The following DGLUCY variants were observed in gnomAD, a reference collection of about 807,000 sequenced individuals.
DGLUCY encodes D-glutamate cyclase.
Under a neutral mutation model 58.5 loss-of-function variants are expected in DGLUCY, and 58 were observed. The ratio of observed to expected loss-of-function variants is 0.99; its 90% CI spans 0.80 to 1.23. DGLUCY has a LOEUF of 1.23. Among genes scored for constraint, DGLUCY ranks in the 50% most tolerant of loss-of-function variants. The probability of loss-of-function intolerance (pLI) is 0.00; values close to 1 mark genes in which losing one functional copy is unlikely to be tolerated. For synonymous variants in DGLUCY, 325 were observed against 314.1 expected, an observed-to-expected ratio of 1.03 and a Z score of -0.37; for missense variants, 779 against 784.7, an observed-to-expected ratio of 0.99 and a Z score of 0.09.
At chr14:91,180,236 C>A (rs2049093286) in intron 7 of DGLUCY, among the ~76,000 whole-genome samples, 1 of 151,640 alleles carries the variant, frequency 6.6e-6, no homozygotes, top group African/African-American at 2.4e-5. Context: ...CTGACAATAG[C>A]CATATGAGGC....
At chr14:91,132,378 A>C (rs534547913) in intron 1 of DGLUCY, among the ~76,000 whole-genome samples, 2 of 152,326 alleles carry the variant, frequency 1.3e-5, no homozygotes, top group South Asian at 4.1e-4. Flanking sequence ...CAGGCAGGGC[A>C]ACATAGTGAG....
chr14:91,125,985 T>G (rs958341480), intron 1 of DGLUCY, among the ~76,000 whole-genome samples: 1 of 152,156 alleles, frequency 6.6e-6, no homozygotes, highest in African/African-American at 2.4e-5. Flanking sequence ...GTTGGCTAGC[T>G]GGGGTCATGT....
intron 1 of DGLUCY, among the ~76,000 whole-genome samples, chr14:91,095,483 T>C (rs953751836): frequency 6.6e-6 from 1 of 152,220 alleles, no homozygotes; most frequent in African/African-American, 2.4e-5. Flanking sequence ...GTGCACTCCA[T>C]GTTCTTTCTT....
At chr14:91,061,516 G>A (rs1184837946) in intron 1 of DGLUCY, among the ~76,000 whole-genome samples, 1 of 152,206 alleles carries the variant, frequency 6.6e-6, no homozygotes, top group Non-Finnish European at 1.5e-5. Context: ...GTCGTACAAA[G>A]CGTTAGAGAA....
At chr14:91,098,190 C>A (rs2044428114) in intron 1 of DGLUCY, among the ~76,000 whole-genome samples, 1 of 152,214 alleles carries the variant, frequency 6.6e-6, no homozygotes, top group Non-Finnish European at 1.5e-5. Context: ...TAGTTCATAG[C>A]TCATGCCTAT....
intron 1 of DGLUCY, among the ~76,000 whole-genome samples, chr14:91,075,103 CTTT>C (rs2043999249): frequency 6.6e-6 from 1 of 150,666 alleles, no homozygotes; most frequent in Non-Finnish European, 1.5e-5. Flanking sequence ...AATTGCTCTT[CTTT>C]TTATCGTACA....
chr14:91,124,116 C>T (rs1263986009), intron 1 of DGLUCY, among the ~76,000 whole-genome samples: 4 of 151,688 alleles, frequency 2.6e-5, no homozygotes, highest in Non-Finnish European at 4.4e-5. Context: ...TTAGTAGTGA[C>T]GGGGTTTCAC....
intron 13 of DGLUCY, 162 bp downstream of exon 13, chr14:91,215,718 C>CT (rs1346419895): frequency 6.6e-7 from 1 of 1,521,406 alleles, no homozygotes; most frequent in Non-Finnish European, 8.8e-7. Context: ...ATTGGGTGCC[C>CT]TTTAAGCTAC....
chr14:91,127,618 T>C (rs1380012771), intron 1 of DGLUCY, among the ~76,000 whole-genome samples: 1 of 152,264 alleles, frequency 6.6e-6, no homozygotes, highest in Non-Finnish European at 1.5e-5. Flanking sequence ...CAGAAGTGGC[T>C]GGCAGGGAGC....
chr14:91,202,307 G>T (rs183011967), intron 11 of DGLUCY, among the ~76,000 whole-genome samples: 1 of 152,104 alleles, frequency 6.6e-6, no homozygotes, highest in African/African-American at 2.4e-5. Flanking sequence ...TATGAATTGC[G>T]GAAAGGCTTA....
intron 13 of DGLUCY, chr14:91,216,368 A>G (rs1285870): frequency 1 from 152,579 of 153,308 alleles, 75,933 homozygotes; most frequent in East Asian, 1. Flanking sequence ...CCAGCTGGGT[A>G]CGGTGACTCA....
intron 12 of DGLUCY, among the ~76,000 whole-genome samples, chr14:91,208,011 G>T (rs1412220879): frequency 6.6e-6 from 1 of 152,172 alleles, no homozygotes; most frequent in East Asian, 1.9e-4. Context: ...GCCTCCCAAA[G>T]TGCTGGGATT....
intron 1 of DGLUCY, among the ~76,000 whole-genome samples, chr14:91,097,078 G>A (rs10438037): frequency 0.014 from 2,108 of 152,312 alleles, 60 homozygotes; most frequent in African/African-American, 0.048. Flanking sequence ...ACTGCTAACA[G>A]GTCTGGGAGT....
intron 1 of DGLUCY, chr14:91,114,765 A>G (rs1417177495): frequency 6.6e-6 from 1 of 152,306 alleles, no homozygotes; most frequent in Non-Finnish European, 1.5e-5. Context: ...CAGGGCCCAA[A>G]GGTCCCTCCC....
rs555726027 is a variant in DGLUCY, at chr14:91,175,659, TAG to T, written c.608-274_608-273del. On this transcript the variant is annotated intron_variant, in intron 6 of 13. Transcript: ENST00000256324. ...GTAGCAATCTGCACAATGAGAGTACTAGGCTCAATGCACCCAAGGATCCTTCC... is the reference window on the plus strand; with the variant it reads ...GTAGCAATCTGCACAATGAGAGTACTGCTCAATGCACCCAAGGATCCTTCC... 1.2e-3 allele frequency: 417 copies of T among 346,294 alleles called. 4 individuals are homozygous for T. Among genetic ancestry groups the T allele is most frequent in the African/African-American group, 8.1e-3 (383 of 47,318 alleles). The allele number at this position is 346,294 out of a possible 1,614,324, so 21.5% of individuals were successfully genotyped here. A position where few individuals can be genotyped will look rare whatever the true frequency, so the allele number is the denominator to read the frequency against.
chr14:91,150,567 G>A (rs2047269050), intron 1 of DGLUCY, among the ~76,000 whole-genome samples: 1 of 151,896 alleles, frequency 6.6e-6, no homozygotes, highest in African/African-American at 2.4e-5. Flanking sequence ...TCAGCCTCCT[G>A]AGTAGCTGGG....
At chr14:91,072,399 G>A (rs554411070) in intron 1 of DGLUCY, among the ~76,000 whole-genome samples, 7 of 151,724 alleles carry the variant, frequency 4.6e-5, no homozygotes, top group Non-Finnish European at 7.4e-5. Flanking sequence ...TGATTTTTGT[G>A]TTCGTTTTTT....
chr14:91,199,958 T>TTTG lies in DGLUCY; in HGVS notation c.1444+68_1444+70dup, dbSNP rs370074457. ...AAGAACGTGGCCCCATGAAGTGTCT[T>TTTG]TTGTTGTTGTTGTTGTTATGGAGTC... On this transcript the variant is annotated intron_variant, in intron 11 of 13. Coordinates refer to ENST00000256324, the MANE Select transcript of DGLUCY (RefSeq NM_001102368.3). The TTTG allele has an allele frequency of 6.0e-4, 960 of 1,604,794 alleles. 2 individuals are homozygous for TTTG. Among genetic ancestry groups the TTTG allele is most frequent in the African/African-American group, 3.9e-3 (292 of 74,712 alleles).
At chr14:91,103,778 T>A (rs1275698406), upstream of DGLUCY, among the ~76,000 whole-genome samples, 1 of 151,844 alleles carries the variant, frequency 6.6e-6, no homozygotes, top group Non-Finnish European at 1.5e-5. Context: ...ATCATATATA[T>A]AAACACACAC....
Sources: gnomAD v4.1 joint callset for allele counts (sites outside exome capture counted in the v4.1 genomes callset) on GRCh38, gnomAD v4.1.1 for gene constraint, MANE v1.5 for transcripts, NCBI Gene and HGNC (gene_info 2026-07-23, HGNC 2026-07-21) for gene names.